The following PSME4 variants were observed in gnomAD, a reference collection of about 807,000 sequenced individuals.
PSME4 encodes the protein proteasome activator subunit 4.
A neutral mutation model predicts 253.9 loss-of-function variants in PSME4; 89 were observed. The observed-to-expected ratio is 0.35, with a 90% CI of 0.30 to 0.42. The LOEUF (loss-of-function observed/expected upper bound fraction) is 0.42. Among genes scored for constraint, PSME4 ranks in the 10% least tolerant of loss-of-function variants. The pLI is 1.00. For missense variants in PSME4, 2,014 were observed against 2,195.2 expected (o/e 0.92, Z 1.65); for synonymous variants, 851 against 759.2 (o/e 1.12, Z -1.99).
At chr2:53,910,325 T>C (rs1266329231) in intron 20 of PSME4, among the ~76,000 whole-genome samples, 195 bp from the exon 21 acceptor site, 1 of 152,156 alleles carries the variant, frequency 6.6e-6, no homozygotes, top group Non-Finnish European at 1.5e-5. Context: ...AATCATGTTA[T>C]TCAACTTAAA....
At chr2:53,876,296 T>A (rs890343315) in intron 41 of PSME4, among the ~76,000 whole-genome samples, 1 of 152,270 alleles carries the variant, frequency 6.6e-6, no homozygotes, top group South Asian at 2.1e-4. Flanking sequence ...TGCTCTGTAT[T>A]TTTTTTCCTC....
At chr2:53,931,062 G>A (rs781068877) in intron 10 of PSME4, among the ~76,000 whole-genome samples, 3 of 152,194 alleles carry the variant, frequency 2.0e-5, no homozygotes, top group Non-Finnish European at 4.4e-5. Flanking sequence ...TGGATCACCT[G>A]AGGTCAGGAG....
In PSME4 at chr2:53,884,313, C is replaced by T. The variant is rs192330183; in HGVS notation, c.4815+1377G>A. On this transcript the variant is annotated intron_variant, in intron 41 of 46. Transcript: ENST00000404125. ...ATAACCTCCACCTCCCGGGTTCAAG[C>T]GATTCTCCTGCCTCAGCCTCCCGAG... Among the ~76,000 whole-genome samples the T allele has an allele frequency of 3.7e-4, 57 of 152,206 alleles. No homozygotes were observed. The East Asian group carries it at 8.5e-3, about 23-fold the overall frequency.
intron 3 of PSME4, among the ~76,000 whole-genome samples, chr2:53,940,833 C>A (rs1669357486): frequency 8.3e-6 from 1 of 120,520 alleles, no homozygotes. Flanking sequence ...AATAAAATTC[C>A]CCAAATCTCA....
At chr2:53,923,913 C>CAAAAAAAAAA (rs199929436) in intron 14 of PSME4, among the ~76,000 whole-genome samples, 26 of 96,876 alleles carry the variant, frequency 2.7e-4, no homozygotes, top group Non-Finnish European at 3.7e-4. Flanking sequence ...ACAGAGTTAA[C>CAAAAAAAAAA]AAAAAAAAAA....
At chr2:53,891,865 A>G (rs1383108124) in intron 36 of PSME4, among the ~76,000 whole-genome samples, 1 of 152,002 alleles carries the variant, frequency 6.6e-6, no homozygotes, top group Non-Finnish European at 1.5e-5. Flanking sequence ...GTCCAAAAAA[A>G]AAAAAAAAGA....
At chr2:53,958,085 C>T (rs1670315464) in intron 1 of PSME4, among the ~76,000 whole-genome samples, 1 of 150,974 alleles carries the variant, frequency 6.6e-6, no homozygotes, top group East Asian at 2.0e-4. Context: ...ACTCAGGAGG[C>T]TGGGCCAGGA....
intron 14 of PSME4, among the ~76,000 whole-genome samples, chr2:53,924,399 T>C (rs540039168): frequency 6.6e-6 from 1 of 152,324 alleles, no homozygotes; most frequent in South Asian, 2.1e-4. Flanking sequence ...GAAAATAAAG[T>C]GTAGTCTTAA....
Position 53,866,087 on chromosome 2 carries a change from T to C in PSME4, c.*2A>G. 1 of 1,609,024 alleles carries C rather than the reference T, an allele frequency of 6.2e-7. No homozygotes were observed. Among genetic ancestry groups the C allele is most frequent in the East Asian group, 2.2e-5 (1 of 44,714 alleles). ...AATTCAGAACTTTGCTGACTTACCT[T>C]TCTATGCATAATAGCATGGTGACAC... On this transcript the variant is annotated splice_region_variant and 3_prime_UTR_variant, in exon 46 of 47. Transcript: ENST00000404125.
intron 2 of PSME4, 133 bp from the exon 3 acceptor site, chr2:53,948,670 C>T: frequency 3.1e-6 from 2 of 650,974 alleles, no homozygotes; most frequent in South Asian, 3.9e-5. Context: ...TCCATGGCCA[C>T]TCACTAGCAG....
intron 10 of PSME4, 101 bp downstream of exon 10, chr2:53,931,734 T>A: frequency 7.9e-7 from 1 of 1,271,862 alleles, no homozygotes; most frequent in Non-Finnish European, 1.1e-6. Flanking sequence ...GGAATAAGCA[T>A]CGAAGAAGCA....
At chr2:53,887,088 G>A (rs758812878) in intron 40 of PSME4, among the ~76,000 whole-genome samples, 171 bp downstream of exon 40, 32 of 152,080 alleles carry the variant, frequency 2.1e-4, no homozygotes, top group Admixed American at 8.5e-4. Flanking sequence ...TGATGGTTGC[G>A]CAAGGATGTG....
At chr2:53,969,063 T>C (rs1441668371) in intron 1 of PSME4, among the ~76,000 whole-genome samples, 2 of 152,210 alleles carry the variant, frequency 1.3e-5, no homozygotes, top group Non-Finnish European at 2.9e-5. Flanking sequence ...TGTAACAAAG[T>C]GACTATTTTT....
At chr2:53,881,042 T>C (rs1679366102) in intron 41 of PSME4, among the ~76,000 whole-genome samples, 1 of 152,142 alleles carries the variant, frequency 6.6e-6, no homozygotes, top group South Asian at 2.1e-4. Flanking sequence ...CACAATACTC[T>C]CAAGTACAGC....
At chr2:53,868,919 G>C (rs550822582) in intron 44 of PSME4, among the ~76,000 whole-genome samples, 87 of 151,950 alleles carry the variant, frequency 5.7e-4, no homozygotes, top group Non-Finnish European at 9.0e-4. Flanking sequence ...AATTAGATTG[G>C]AAGCTCCTGC....
At chr2:53,868,511 A>ATT (rs1356637107) in intron 44 of PSME4, among the ~76,000 whole-genome samples, 3 of 57,546 alleles carry the variant, frequency 5.2e-5, no homozygotes, top group African/African-American at 1.6e-4. Context: ...TATATTATAA[A>ATT]ATATATTTAT....
At chr2:53,940,896 A>T (rs112193237) in intron 3 of PSME4, among the ~76,000 whole-genome samples, 2 of 113,668 alleles carry the variant, frequency 1.8e-5, no homozygotes, top group African/African-American at 5.8e-5. Context: ...TACATATTTA[A>T]ATATATATAA....
At chr2:53,922,997 G>A in intron 16 of PSME4, 52 bp downstream of exon 16, 2 of 1,345,572 alleles carry the variant, frequency 1.5e-6, no homozygotes, top group Non-Finnish European at 2.0e-6. Context: ...TAGAAACCAA[G>A]AAAAAAACTT....
In PSME4 at chr2:53,895,592, G is replaced by A; in HGVS notation, c.3833C>T (p.Thr1278Ile). The stretch of plus-strand genomic sequence containing the variant: ...ACAGTAAGTTACTTACTTTGGCCAG[G>A]TGTAGTATCCCCAGTGAGTTTTTTC... ...FVEKTHWGYY[T>I]WPKNMVVYAG... Residue 1278 changes from threonine (T) to isoleucine (I), a missense_variant, in exon 33 of 47, where the codon ACC (threonine) becomes ATC (isoleucine). By Grantham distance (89) the Thr-to-Ile change is moderately conservative. Around this residue, in one of 4 missense-constraint regions of PSME4, gnomAD observed 989 missense variants for 1,021.1 expected, o/e 0.97. Transcript: ENST00000404125. 6.2e-7 allele frequency: 1 copy of A among 1,611,094 alleles called. No homozygotes were observed. Among genetic ancestry groups the A allele is most frequent in the Non-Finnish European group, 8.5e-7 (1 of 1,178,804 alleles).
Sources: gnomAD v4.1 joint callset for allele counts (sites outside exome capture counted in the v4.1 genomes callset) on GRCh38, gnomAD v4.1.1 for gene constraint, gnomAD v4.1.1 regional missense constraint, MANE v1.5 for transcripts, NCBI Gene and HGNC (gene_info 2026-07-23, HGNC 2026-07-21) for gene names.